Variants in TTC6 observed in about 807,000 individuals in gnomAD.
TTC6 encodes tetratricopeptide repeat domain 6, also known as tetratricopeptide repeat protein 6.
A neutral mutation model predicts 210.4 loss-of-function variants in TTC6; 172 were observed. The observed-to-expected ratio is 0.82, with a 90% CI of 0.72 to 0.93. The LOEUF is 0.93. TTC6 is among the 40% of genes least tolerant of loss of function. TTC6 has a pLI of 0.00. For missense variants in TTC6, 2,414 were observed against 2,318.1 expected (o/e 1.04, Z -0.85); for synonymous variants, 804 against 819.6 (o/e 0.98, Z 0.32).
At chr14:37,823,755 A>T in exon 27 of TTC6, 1 of 1,613,374 alleles carries the variant, frequency 6.2e-7, no homozygotes, top group African/African-American at 1.3e-5. Context: ...AGAATTAATG[A>T]GTTTGAAGAA....
chr14:37,829,025 C>G (rs2096178648), intron 29 of TTC6, among the ~76,000 whole-genome samples: 1 of 151,862 alleles, frequency 6.6e-6, no homozygotes, highest in Non-Finnish European at 1.5e-5. Context: ...TACAGATTTC[C>G]TCCTTTGTTT....
chr14:37,671,410 T>C (rs1595086167), intron 1 of TTC6, among the ~76,000 whole-genome samples: 1 of 152,152 alleles, frequency 6.6e-6, no homozygotes, highest in African/African-American at 2.4e-5. Flanking sequence ...GTGGGAATCA[T>C]TGGGGATCAT....
intron 7 of TTC6, among the ~76,000 whole-genome samples, chr14:37,734,429 C>T (rs543847017): frequency 2.6e-4 from 40 of 152,282 alleles, no homozygotes; most frequent in Admixed American, 2.0e-4. Flanking sequence ...ATACTGAGAA[C>T]AAAGCATCTT....
intron 3 of TTC6, among the ~76,000 whole-genome samples, chr14:37,695,517 G>A (rs1349305074): frequency 2.0e-5 from 3 of 152,076 alleles, no homozygotes; most frequent in Non-Finnish European, 2.9e-5. Flanking sequence ...ACCACGCCTA[G>A]CTAATTTTGT....
chr14:37,601,160 G>A (rs1347754593), intron 1 of TTC6, among the ~76,000 whole-genome samples: 2 of 152,190 alleles, frequency 1.3e-5, no homozygotes, highest in Non-Finnish European at 2.9e-5. Context: ...GCAGCCTCCT[G>A]GAGTCCCTGT....
At chr14:37,627,546 A>G (rs1174995665) in intron 1 of TTC6, among the ~76,000 whole-genome samples, 2 of 151,384 alleles carry the variant, frequency 1.3e-5, no homozygotes, top group Non-Finnish European at 2.9e-5. Flanking sequence ...AAGTGAGAAC[A>G]TGTGGTGTTT....
chr14:37,685,862 T>C (rs1169825179), intron 3 of TTC6, among the ~76,000 whole-genome samples: 1 of 152,054 alleles, frequency 6.6e-6, no homozygotes, highest in African/African-American at 2.4e-5. Flanking sequence ...TTTTTTTAAG[T>C]GTAAGGGTTG....
intron 1 of TTC6, among the ~76,000 whole-genome samples, chr14:37,647,852 G>T (rs2095704414): frequency 6.6e-6 from 1 of 152,108 alleles, no homozygotes; most frequent in South Asian, 2.1e-4. Context: ...AAGAAGCTGA[G>T]GGGAGCCTGG....
chr14:37,696,438 T>C (rs2095814985), intron 3 of TTC6, among the ~76,000 whole-genome samples: 1 of 151,832 alleles, frequency 6.6e-6, no homozygotes, highest in Non-Finnish European at 1.5e-5. Context: ...TAAAGAAGAG[T>C]GCACTTATGG....
chr14:37,746,538 T>G (rs1259485933), intron 10 of TTC6, among the ~76,000 whole-genome samples: 2 of 152,174 alleles, frequency 1.3e-5, no homozygotes, highest in East Asian at 3.9e-4. Context: ...AGCCTTTGGG[T>G]AATTCTGATG....
intron 5 of TTC6, among the ~76,000 whole-genome samples, chr14:37,708,831 C>G (rs940895800): frequency 3.3e-5 from 5 of 152,020 alleles, no homozygotes; most frequent in African/African-American, 1.2e-4. Flanking sequence ...TGTTTTGATT[C>G]TAGGCCAAGG....
intron 14 of TTC6, among the ~76,000 whole-genome samples, chr14:37,787,042 GAAA>G (rs1356631509): frequency 6.6e-6 from 1 of 152,118 alleles, no homozygotes; most frequent in Non-Finnish European, 1.5e-5. Context: ...AAGCTCCAGA[GAAA>G]AACCTCCTAA....
At chr14:37,820,641 G>T (rs1234597730) in intron 26 of TTC6, among the ~76,000 whole-genome samples, 1 of 152,146 alleles carries the variant, frequency 6.6e-6, no homozygotes, top group Non-Finnish European at 1.5e-5. Flanking sequence ...AATGAATTTG[G>T]TGGAGAATAT....
chr14:37,696,480 A>C (rs1182850055), intron 3 of TTC6, among the ~76,000 whole-genome samples: 4 of 152,136 alleles, frequency 2.6e-5, no homozygotes, highest in African/African-American at 9.6e-5. Context: ...CAATAATTTT[A>C]AGGTAATAAA....
intron 1 of TTC6, among the ~76,000 whole-genome samples, chr14:37,642,712 A>G (rs1203184280): frequency 4.6e-5 from 7 of 152,172 alleles, no homozygotes; most frequent in Non-Finnish European, 7.4e-5. Flanking sequence ...TCATCATTGT[A>G]TGAACATTGT....
intron 7 of TTC6, among the ~76,000 whole-genome samples, 161 bp downstream of exon 9, chr14:37,725,163 A>G (rs2095869109): frequency 1.3e-5 from 2 of 150,594 alleles, no homozygotes; most frequent in South Asian, 2.1e-4. Context: ...AGTTATTTAT[A>G]TATGTAAATA....
chr14:37,643,526 G>T (rs931371699), intron 1 of TTC6, among the ~76,000 whole-genome samples: 1 of 152,052 alleles, frequency 6.6e-6, no homozygotes, highest in African/African-American at 2.4e-5. Flanking sequence ...TGATCACATG[G>T]CCAGCTGTTA....
chr14:37,755,563 T>C (rs1192448359), intron 14 of TTC6, among the ~76,000 whole-genome samples: 1 of 152,196 alleles, frequency 6.6e-6, no homozygotes, highest in Non-Finnish European at 1.5e-5. Context: ...GTATAAGGTG[T>C]AAGGAAGGGG....
At chr14:37,770,368 C>G (rs923526710) in intron 14 of TTC6, among the ~76,000 whole-genome samples, 244 of 152,262 alleles carry the variant, frequency 1.6e-3, no homozygotes, top group African/African-American at 5.4e-3. Context: ...TGTTGACTTT[C>G]TGTCTCATTG....
Sources: allele counts gnomAD v4.1 joint callset (sites outside exome capture counted in the v4.1 genomes callset), GRCh38; gene constraint gnomAD v4.1.1; transcripts MANE v1.5; gene names NCBI Gene and HGNC (gene_info 2026-07-23, HGNC 2026-07-21).